ESCO2: variants seen among roughly 807,000 people sequenced by gnomAD.
The protein encoded by ESCO2 is N-acetyltransferase ESCO2.
A neutral mutation model predicts 61.7 loss-of-function variants in ESCO2; 51 were observed. The observed-to-expected ratio is 0.83, with a 90% CI of 0.66 to 1.04. ESCO2 has a LOEUF of 1.04. Among genes scored for constraint, ESCO2 ranks in the 50% least tolerant of loss-of-function variants. ESCO2 has a pLI of 0.00. For synonymous variants in ESCO2, 230 were observed against 238.2 expected (o/e 0.97, Z 0.32); for missense variants, 692 against 686.2 (o/e 1.01, Z -0.09).
chr8:27,788,619 A>G (rs530902238), intron 6 of ESCO2, among the ~76,000 whole-genome samples: 68 of 152,060 alleles, frequency 4.5e-4, no homozygotes, highest in African/African-American at 1.6e-3. Flanking sequence ...TCAGCCTCCC[A>G]AAGTGCCGAG....
intron 2 of ESCO2, among the ~76,000 whole-genome samples, 199 bp from the exon 3 acceptor site, chr8:27,776,163 C>G (rs982769159): frequency 4.6e-5 from 7 of 151,924 alleles, no homozygotes; most frequent in African/African-American, 1.7e-4. Context: ...TTCATGAACT[C>G]TTTGGGAAGA....
chr8:27,781,198 C>T (rs935627219), intron 4 of ESCO2, among the ~76,000 whole-genome samples: 4 of 152,150 alleles, frequency 2.6e-5, no homozygotes, highest in African/African-American at 9.7e-5. Flanking sequence ...CTCCCTACTA[C>T]TCTAGGTCCT....
chr8:27,772,461 G>C, upstream of ESCO2: 1 of 1,535,146 alleles, frequency 6.5e-7, no homozygotes, highest in Non-Finnish European at 8.8e-7. Context: ...GCGGGTCCCG[G>C]CTTCGGAGCC....
At chr8:27,782,703 TTAAA>T (rs1267275388) in intron 4 of ESCO2, among the ~76,000 whole-genome samples, 2 of 149,826 alleles carry the variant, frequency 1.3e-5, no homozygotes, top group African/African-American at 4.9e-5. Flanking sequence ...CCATATATAG[TTAAA>T]TAATATATAT....
intron 3 of ESCO2, 134 bp downstream of exon 3, chr8:27,777,303 GTTTATTTA>G (rs764324168): frequency 7.3e-6 from 6 of 823,480 alleles, no homozygotes; most frequent in East Asian, 2.9e-5. Context: ...ACTGTAAGGA[GTTTATTTA>G]TTTATTTATT....
chr8:27,811,229 T>C, downstream of ESCO2: 1 of 1,024,440 alleles, frequency 9.8e-7, no homozygotes, highest in Non-Finnish European at 1.5e-6. Flanking sequence ...GAACAAGTAG[T>C]TCACAGGTTA....
chr8:27,813,451 TA>T (rs1166781242), downstream of ESCO2, among the ~76,000 whole-genome samples: 1 of 152,178 alleles, frequency 6.6e-6, no homozygotes, highest in Admixed American at 6.6e-5. Flanking sequence ...CCCTAGAACT[TA>T]AACAATTTTG....
the ESCO2 span, among the ~76,000 whole-genome samples, chr8:27,817,910 G>A: frequency 6.6e-6 from 1 of 152,186 alleles, no homozygotes; most frequent in Non-Finnish European, 1.5e-5. Context: ...ATTGTCCAAT[G>A]TGGTAACCAT....
At position 27,804,773 on chromosome 8, in the gene ESCO2, A is replaced by C; in HGVS notation, c.*1335A>C. ...AATGTGGAAGTATTAAAATGTATGT[A>C]ATTATGCAAACATTTTAATGCTATT... On this transcript the variant is annotated 3_prime_UTR_variant, in exon 11 of 11. Transcript: ENST00000305188. The C allele has an allele frequency of 1.0e-6, 1 of 983,048 alleles. No homozygotes were observed. Among genetic ancestry groups the C allele is most frequent in the Non-Finnish European group, 1.2e-6 (1 of 827,788 alleles). The allele number at this position is 983,048 out of a possible 1,614,324, so 60.9% of individuals were successfully genotyped here. A position where few individuals can be genotyped will look rare whatever the true frequency, so the allele number is the denominator to read the frequency against.
At chr8:27,807,863 T>C (rs1301343264), downstream of ESCO2, among the ~76,000 whole-genome samples, 1 of 152,138 alleles carries the variant, frequency 6.6e-6, no homozygotes, top group Non-Finnish European at 1.5e-5. Context: ...AAGGAACCCT[T>C]AGGGATTAAT....
At position 27,803,761 on chromosome 8, in the gene ESCO2, T is replaced by G; in HGVS notation, c.*323T>G. 9.4e-7 allele frequency: 1 copy of G among 1,063,104 alleles called. No individual in the cohort carries two copies. Among genetic ancestry groups the G allele is most frequent in the Non-Finnish European group, 1.1e-6 (1 of 880,554 alleles). The allele number at this position is 1,063,104 out of a possible 1,614,324, so 65.9% of individuals were successfully genotyped here. On this transcript the variant is annotated 3_prime_UTR_variant, in exon 11 of 11. Transcript: ENST00000305188. Reference sequence around the variant, plus strand: ...CTTTGTAAGAGTATTAAATACAAAGTGATTTTTCTCTAGAAATGTGACCTG... The same window carrying G: ...CTTTGTAAGAGTATTAAATACAAAGGGATTTTTCTCTAGAAATGTGACCTG...
chr8:27,809,410 T>C (rs1805624625), downstream of ESCO2, among the ~76,000 whole-genome samples: 1 of 152,190 alleles, frequency 6.6e-6, no homozygotes, highest in African/African-American at 2.4e-5. Context: ...ATTTTTAAAA[T>C]TCTGTCTACA....
Position 27,803,725 on chromosome 8 carries a change from A to G in ESCO2, c.*287A>G, listed in dbSNP as rs1805505909. 2 of 1,176,390 alleles carry G rather than the reference A, an allele frequency of 1.7e-6. No individual in the cohort carries two copies. The highest frequency in any genetic ancestry group is 4.3e-5 in the Admixed American group (1 of 23,144). The allele number at this position is 1,176,390 out of a possible 1,614,324, so 72.9% of individuals were successfully genotyped here. On this transcript the variant is annotated 3_prime_UTR_variant, in exon 11 of 11. Coordinates refer to ENST00000305188, the MANE Select transcript of ESCO2 (RefSeq NM_001017420.3). ...GAAACTTTGTAGCTATAACTGGAAA[A>G]TTACCTGACTCTTTGTAAGAGTATT...
intron 3 of ESCO2, chr8:27,777,941 C>G (rs560741624): frequency 6.7e-6 from 1 of 149,180 alleles, no homozygotes; most frequent in South Asian, 2.2e-4. Flanking sequence ...CTCTCAAATT[C>G]AACCCCAGTC....
chr8:27,797,323 A>G (rs1805321803), intron 9 of ESCO2, among the ~76,000 whole-genome samples: 1 of 152,220 alleles, frequency 6.6e-6, no homozygotes, highest in East Asian at 1.9e-4. Context: ...CTTTTATTAT[A>G]TAATTACCTT....
chr8:27,811,123 C>G, downstream of ESCO2: 1 of 1,613,904 alleles, frequency 6.2e-7, no homozygotes. Context: ...TAACAAGCCT[C>G]AGGGTCAGTC....
At chr8:27,789,582 C>T (rs1349497484) in intron 7 of ESCO2, among the ~76,000 whole-genome samples, 3 of 152,032 alleles carry the variant, frequency 2.0e-5, no homozygotes, top group African/African-American at 7.3e-5. Context: ...GAGTTTGAGA[C>T]CAGCCTGCCC....
At chr8:27,808,126 A>T, downstream of ESCO2, 1 of 594,222 alleles carries the variant, frequency 1.7e-6, no homozygotes. Flanking sequence ...GCATTTTTTT[A>T]TATATAGTTT....
At chr8:27,773,473 G>T (rs538480041), upstream of ESCO2, among the ~76,000 whole-genome samples, 472 of 146,666 alleles carry the variant, frequency 3.2e-3, 1 homozygote, top group Admixed American at 5.6e-3. Flanking sequence ...GGAGGGCGGT[G>T]GGGGGAGGGG....
Sources: gnomAD v4.1 joint callset for allele counts (sites outside exome capture counted in the v4.1 genomes callset) on GRCh38, gnomAD v4.1.1 for gene constraint, MANE v1.5 for transcripts, NCBI Gene and HGNC (gene_info 2026-07-23, HGNC 2026-07-21) for gene names.